CCSER1: variants seen among roughly 807,000 people sequenced by gnomAD.
CCSER1 encodes coiled-coil serine rich protein 1, also known as serine-rich coiled-coil domain-containing protein 1.
In CCSER1, 41 loss-of-function variants were observed where a neutral mutation model predicts 82.0. The ratio of observed to expected loss-of-function variants is 0.50; its 90% CI spans 0.39 to 0.65. CCSER1 has a LOEUF of 0.65. Ranked by LOEUF, CCSER1 falls within the 30% of genes least tolerant of loss-of-function variation. The probability of loss-of-function intolerance (pLI) is 0.00; values close to 1 mark genes in which losing one functional copy is unlikely to be tolerated. For missense variants in CCSER1, 1,119 were observed against 1,064.2 expected (o/e 1.05, Z -0.72); for synonymous variants, 414 against 383.9 (o/e 1.08, Z -0.92).
chr4:90,593,818 T>C (rs1579352342), intron 5 of CCSER1, among the ~76,000 whole-genome samples: 1 of 152,130 alleles, frequency 6.6e-6, no homozygotes, highest in East Asian at 1.9e-4. Flanking sequence ...TTTCTTCTTA[T>C]TGTACTTTCC....
At chr4:90,599,389 G>A (rs752027044) in intron 5 of CCSER1, among the ~76,000 whole-genome samples, 4 of 152,168 alleles carry the variant, frequency 2.6e-5, no homozygotes, top group Non-Finnish European at 5.9e-5. Context: ...CATGTAAGAC[G>A]TGCCTTGCTT....
At chr4:91,358,545 G>T (rs967250104) in intron 10 of CCSER1, among the ~76,000 whole-genome samples, 1 of 151,900 alleles carries the variant, frequency 6.6e-6, no homozygotes, top group Non-Finnish European at 1.5e-5. Flanking sequence ...AAAAATTCCA[G>T]CCAAGTCAAA....
chr4:91,162,938 C>G (rs902491902), intron 10 of CCSER1, among the ~76,000 whole-genome samples: 3 of 152,024 alleles, frequency 2.0e-5, no homozygotes, highest in African/African-American at 7.2e-5. Flanking sequence ...TCCTTCAGTT[C>G]TGCTCTGATC....
At chr4:90,834,406 CTTGAT>C (rs1419588066) in intron 8 of CCSER1, among the ~76,000 whole-genome samples, 4 of 152,144 alleles carry the variant, frequency 2.6e-5, no homozygotes, top group Admixed American at 6.5e-5. Context: ...CTAGATGCTA[CTTGAT>C]TTAATAGTTT....
intron 6 of CCSER1, among the ~76,000 whole-genome samples, chr4:90,675,122 G>T (rs937438375): frequency 6.6e-6 from 1 of 151,916 alleles, no homozygotes; most frequent in East Asian, 1.9e-4. Flanking sequence ...CGTCATTGAT[G>T]AATAGTGATT....
chr4:90,715,747 T>C (rs1741522415), intron 6 of CCSER1, among the ~76,000 whole-genome samples: 1 of 152,028 alleles, frequency 6.6e-6, no homozygotes, highest in Non-Finnish European at 1.5e-5. Flanking sequence ...TCTTAAGCCT[T>C]ATGTGGATGT....
intron 8 of CCSER1, among the ~76,000 whole-genome samples, chr4:90,864,571 A>G (rs935437739): frequency 1.4e-4 from 21 of 152,000 alleles, no homozygotes; most frequent in African/African-American, 4.8e-4. Flanking sequence ...TGGACTTCCT[A>G]GCCTTCAGTA....
intron 6 of CCSER1, among the ~76,000 whole-genome samples, chr4:90,682,756 T>A (rs932971652): frequency 1.3e-5 from 2 of 152,068 alleles, no homozygotes; most frequent in Non-Finnish European, 2.9e-5. Context: ...TATAATAGTT[T>A]GTGTAAATTC....
At chr4:90,298,921 C>T (rs1490993134) in intron 1 of CCSER1, among the ~76,000 whole-genome samples, 4 of 152,034 alleles carry the variant, frequency 2.6e-5, no homozygotes. Flanking sequence ...GGGTCATATG[C>T]TTTTACACTT....
chr4:90,539,716 A>G (rs1775868101), intron 5 of CCSER1, among the ~76,000 whole-genome samples: 1 of 152,104 alleles, frequency 6.6e-6, no homozygotes, highest in Non-Finnish European at 1.5e-5. Context: ...TTTTGTAGGG[A>G]CTGTGAGAAC....
At chr4:90,158,011 A>G (rs1728625600) in intron 1 of CCSER1, among the ~76,000 whole-genome samples, 1 of 151,884 alleles carries the variant, frequency 6.6e-6, no homozygotes, top group Non-Finnish European at 1.5e-5. Context: ...GGTTTTATCT[A>G]CTTTTGGTCT....
At chr4:90,964,849 A>G (rs1468607030) in intron 9 of CCSER1, among the ~76,000 whole-genome samples, 2 of 151,966 alleles carry the variant, frequency 1.3e-5, no homozygotes, top group Admixed American at 6.6e-5. Flanking sequence ...ATTAGGGGTA[A>G]ATGGTTGAAT....
At chr4:90,672,154 A>C (rs1732914738) in intron 6 of CCSER1, among the ~76,000 whole-genome samples, 1 of 152,040 alleles carries the variant, frequency 6.6e-6, no homozygotes, top group South Asian at 2.1e-4. Flanking sequence ...ATTGGCTTCA[A>C]CTTAAAATCC....
At chr4:90,349,085 A>G (rs959295403) in intron 3 of CCSER1, among the ~76,000 whole-genome samples, 1 of 152,154 alleles carries the variant, frequency 6.6e-6, no homozygotes, top group African/African-American at 2.4e-5. Flanking sequence ...CCAAACTGTA[A>G]GGGATTCTGT....
chr4:90,249,400 A>G (rs1330016725), intron 1 of CCSER1, among the ~76,000 whole-genome samples: 1 of 152,178 alleles, frequency 6.6e-6, no homozygotes, highest in Non-Finnish European at 1.5e-5. Context: ...ATGATTTTTT[A>G]GTATATTCAC....
chr4:90,269,792 A>G (rs1370335657), intron 1 of CCSER1, among the ~76,000 whole-genome samples: 3 of 152,080 alleles, frequency 2.0e-5, no homozygotes, highest in Non-Finnish European at 4.4e-5. Context: ...AGCCTGACTA[A>G]GAAAACAGAA....
At chr4:90,496,515 A>T (rs1274116452) in intron 5 of CCSER1, among the ~76,000 whole-genome samples, 1 of 152,132 alleles carries the variant, frequency 6.6e-6, no homozygotes, top group African/African-American at 2.4e-5. Flanking sequence ...TGTCCTCATA[A>T]ACTAGGTGTG....
In CCSER1 at chr4:90,606,074, A is replaced by C. The variant is rs1232223714; in HGVS notation, c.1725-21951A>C. 2.6e-5 allele frequency among the ~76,000 whole-genome samples: 4 copies of C among 152,156 alleles called. No homozygotes were observed. In the East Asian group the frequency reaches 7.7e-4, roughly 29 times the overall value. ...TGGCTTAGGAATTTCCCTTTGAAAG[A>C]AAGTATCATTTTGGATGAATGTAGA... On this transcript the variant is annotated intron_variant, in intron 5 of 10. Transcript: ENST00000509176.
At chr4:91,525,234 GGA>G (rs1481633846) in intron 10 of CCSER1, among the ~76,000 whole-genome samples, 1 of 152,014 alleles carries the variant, frequency 6.6e-6, no homozygotes, top group African/African-American at 2.4e-5. Flanking sequence ...GTATATTTTT[GGA>G]GATACAAGAA....
Sources: allele counts gnomAD v4.1 joint callset (sites outside exome capture counted in the v4.1 genomes callset), GRCh38; gene constraint gnomAD v4.1.1; transcripts MANE v1.5; gene names NCBI Gene and HGNC (gene_info 2026-07-23, HGNC 2026-07-21).